RAPGEF5: variants seen among roughly 807,000 people sequenced by gnomAD.
The protein encoded by RAPGEF5 is Rap guanine nucleotide exchange factor 5, also known as M-Ras-regulated GEF.
In RAPGEF5, 65 loss-of-function variants were observed where a neutral mutation model predicts 125.2. That is an observed-to-expected ratio of 0.52 (90% CI 0.43 to 0.64). The LOEUF (loss-of-function observed/expected upper bound fraction) is 0.64. Among genes scored for constraint, RAPGEF5 ranks in the 30% least tolerant of loss-of-function variants. RAPGEF5 has a pLI of 0.00. For missense variants in RAPGEF5, 958 were observed against 1,048.1 expected (o/e 0.91, Z 1.19); for synonymous variants, 391 against 385.9 (o/e 1.01, Z -0.16).
intron 1 of RAPGEF5, among the ~76,000 whole-genome samples, chr7:22,348,509 T>C (rs2128388676): frequency 6.6e-6 from 1 of 152,314 alleles, no homozygotes; most frequent in Non-Finnish European, 1.5e-5. Flanking sequence ...GAAAAGGAGC[T>C]TGCATGCCTT....
chr7:22,328,142 A>C (rs1783849625), intron 1 of RAPGEF5, among the ~76,000 whole-genome samples: 1 of 152,210 alleles, frequency 6.6e-6, no homozygotes, highest in Non-Finnish European at 1.5e-5. Flanking sequence ...TCACAAAGCA[A>C]GGCCAGTGGG....
chr7:22,258,310 T>C (rs1235487528), intron 7 of RAPGEF5, among the ~76,000 whole-genome samples: 1 of 152,012 alleles, frequency 6.6e-6, no homozygotes, highest in East Asian at 1.9e-4. Flanking sequence ...ATCAAGACAG[T>C]GTGGTATTGT....
intron 10 of RAPGEF5, 139 bp from the exon 11 acceptor site, chr7:22,193,594 G>A (rs534191345): frequency 6.4e-7 from 1 of 1,551,160 alleles, no homozygotes; most frequent in African/African-American, 1.4e-5. Context: ...CTCTCGGTCT[G>A]AGAGCGCCGC....
intron 12 of RAPGEF5, 56 bp downstream of exon 12, chr7:22,167,014 T>C: frequency 7.1e-7 from 1 of 1,413,498 alleles, no homozygotes; most frequent in Non-Finnish European, 1.0e-6. Context: ...ATTCCTAACG[T>C]GGGACATCTG....
At position 22,157,836 on chromosome 7, in the gene RAPGEF5, T is replaced by TA. The variant is rs1296880237; in HGVS notation, c.1557+18dup. ...CCAAACCGGATCACCTAATTTTAGG[T>TA]ATAGAAGCATCTGCTTACCTTTTTT... On this transcript the variant is annotated intron_variant, in intron 15 of 25. Transcript: ENST00000665637. The TA allele has an allele frequency of 6.2e-7, 1 of 1,606,406 alleles. No individual in the cohort carries two copies. The highest frequency in any genetic ancestry group is 8.5e-7 in the Non-Finnish European group (1 of 1,173,130).
chr7:22,169,756 AGGCTGAGGTAGGAGGAT>A (rs1428812077), intron 11 of RAPGEF5, among the ~76,000 whole-genome samples: 1 of 144,056 alleles, frequency 6.9e-6, no homozygotes, highest in Non-Finnish European at 1.5e-5. Context: ...GCTACTCAGG[AGGCTGAGGTAGGAGGAT>A]GGCTTGAACT....
intron 9 of RAPGEF5, among the ~76,000 whole-genome samples, chr7:22,208,547 C>T (rs915080963): frequency 6.6e-6 from 1 of 152,166 alleles, no homozygotes; most frequent in East Asian, 1.9e-4. Flanking sequence ...AAGACCAGTG[C>T]AATAACCAGT....
chr7:22,135,611 C>T (rs1289572974), intron 23 of RAPGEF5, among the ~76,000 whole-genome samples: 1 of 152,198 alleles, frequency 6.6e-6, no homozygotes, highest in African/African-American at 2.4e-5. Context: ...ACCAAAGGTA[C>T]TTCTCATACA....
intron 16 of RAPGEF5, 141 bp from the exon 17 acceptor site, chr7:22,154,745 AT>A: frequency 1.3e-6 from 1 of 751,382 alleles, no homozygotes; most frequent in Non-Finnish European, 2.0e-6. Context: ...ACAGAGTTAG[AT>A]TTTTTATATA....
intron 1 of RAPGEF5, among the ~76,000 whole-genome samples, chr7:22,353,305 C>T (rs546043891): frequency 1.3e-5 from 2 of 152,294 alleles, no homozygotes; most frequent in South Asian, 2.1e-4. Context: ...CCTCATTTAG[C>T]TCCTGTTTCC....
rs750161131 is a variant in RAPGEF5, at chr7:22,343,285, C to T, written c.231+13545G>A. Among the ~76,000 whole-genome samples, 3 of 152,110 alleles carry T rather than the reference C, an allele frequency of 2.0e-5. No homozygotes were observed. In the East Asian group the frequency reaches 5.8e-4, roughly 29 times the overall value. ...CCCCCATGATTCGGTTACCTCCCACCGGGTTCCTCCTACAACACATGGTAA... is the reference window on the plus strand; with the variant it reads ...CCCCCATGATTCGGTTACCTCCCACTGGGTTCCTCCTACAACACATGGTAA... On this transcript the variant is annotated intron_variant, in intron 1 of 25. Transcript: ENST00000665637.
chr7:22,294,644 T>C (rs562056027), intron 5 of RAPGEF5, among the ~76,000 whole-genome samples: 1 of 152,194 alleles, frequency 6.6e-6, no homozygotes. Flanking sequence ...CAACTGGAAG[T>C]CATTCTTGAA....
At chr7:22,338,918 A>C (rs1370488218) in intron 1 of RAPGEF5, among the ~76,000 whole-genome samples, 2 of 152,198 alleles carry the variant, frequency 1.3e-5, no homozygotes, top group Non-Finnish European at 2.9e-5. Context: ...TGTCTCTAAA[A>C]TAATAATTGA....
intron 7 of RAPGEF5, among the ~76,000 whole-genome samples, chr7:22,265,929 A>G (rs1002180713): frequency 1.3e-5 from 2 of 152,086 alleles, no homozygotes; most frequent in Admixed American, 6.6e-5. Flanking sequence ...AATACCCAAG[A>G]TTGCTATTCC....
chr7:22,305,825 G>T (rs138658422), intron 5 of RAPGEF5, among the ~76,000 whole-genome samples: 186 of 152,170 alleles, frequency 1.2e-3, no homozygotes, highest in African/African-American at 4.0e-3. Flanking sequence ...TGTGCCTGGC[G>T]TATGTCATTC....
At chr7:22,251,284 G>A (rs1786612364) in intron 7 of RAPGEF5, among the ~76,000 whole-genome samples, 1 of 151,860 alleles carries the variant, frequency 6.6e-6, no homozygotes. Context: ...CACCCCCCCA[G>A]CAACCACTCA....
intron 7 of RAPGEF5, among the ~76,000 whole-genome samples, chr7:22,237,677 C>G (rs1786228217): frequency 6.6e-6 from 1 of 152,136 alleles, no homozygotes. Flanking sequence ...GCTCCCAACT[C>G]CTCCGCTGCA....
chr7:22,307,773 A>G (rs946009854), intron 5 of RAPGEF5, among the ~76,000 whole-genome samples: 1 of 152,202 alleles, frequency 6.6e-6, no homozygotes, highest in Non-Finnish European at 1.5e-5. Flanking sequence ...TCCATAACTC[A>G]TAATTCTAAA....
At chr7:22,317,268 T>TCTTG (rs1163123985) in intron 2 of RAPGEF5, among the ~76,000 whole-genome samples, 2 of 143,832 alleles carry the variant, frequency 1.4e-5, no homozygotes, top group African/African-American at 2.6e-5. Context: ...TGAGATGGAG[T>TCTTG]CTTGCTCTGT....
Sources: allele counts gnomAD v4.1 joint callset (sites outside exome capture counted in the v4.1 genomes callset), GRCh38; gene constraint gnomAD v4.1.1; transcripts MANE v1.5; gene names NCBI Gene and HGNC (gene_info 2026-07-23, HGNC 2026-07-21).